The following UPP2 variants were observed in gnomAD, a reference collection of about 807,000 sequenced individuals.
UPP2 encodes the protein UPase 2.
In UPP2, 23 loss-of-function variants were observed where a neutral mutation model predicts 26.7. The ratio of observed to expected loss-of-function variants is 0.86; its 90% CI spans 0.62 to 1.22. The LOEUF is 1.22. Ranked by LOEUF, UPP2 falls within the 50% of genes most tolerant of loss-of-function variation. The pLI, the probability that UPP2 is intolerant of heterozygous loss-of-function variation, is 0.00. For synonymous variants in UPP2, 127 were observed against 141.3 expected, an observed-to-expected ratio of 0.90 and a Z score of 0.72; for missense variants, 387 against 396.7, an observed-to-expected ratio of 0.98 and a Z score of 0.21.
At chr2:158,095,233 A>G (rs1292176268) in intron 3 of UPP2, among the ~76,000 whole-genome samples, 2 of 152,200 alleles carry the variant, frequency 1.3e-5, no homozygotes, top group Admixed American at 1.3e-4. Context: ...AAATTTGGCA[A>G]TGAGATGACT....
At chr2:158,083,359 G>C (rs1044817549) in intron 3 of UPP2, among the ~76,000 whole-genome samples, 1 of 151,976 alleles carries the variant, frequency 6.6e-6, no homozygotes, top group Admixed American at 6.6e-5. Context: ...TATACACCAT[G>C]GAACACTATG....
At chr2:158,121,682 C>A in intron 5 of UPP2, 64 bp downstream of exon 5, 2 of 1,411,182 alleles carry the variant, frequency 1.4e-6, no homozygotes, top group South Asian at 1.2e-5. Flanking sequence ...GTTATTCAAA[C>A]CCATAATTTA....
At chr2:158,041,794 T>C (rs979036144) in intron 3 of UPP2, among the ~76,000 whole-genome samples, 5 of 152,234 alleles carry the variant, frequency 3.3e-5, no homozygotes, top group Middle Eastern at 3.2e-3. Context: ...ATAGATGTAG[T>C]TGATGAGTAA....
intron 3 of UPP2, among the ~76,000 whole-genome samples, chr2:158,051,617 C>A (rs1682160218): frequency 6.6e-6 from 1 of 152,048 alleles, no homozygotes; most frequent in Non-Finnish European, 1.5e-5. Context: ...CCCATCTCTA[C>A]TAAAAGTACA....
chr2:158,095,487 T>C (rs1558928804), intron 3 of UPP2, among the ~76,000 whole-genome samples: 3 of 152,146 alleles, frequency 2.0e-5, no homozygotes, highest in Admixed American at 6.5e-5. Context: ...TCCTTGGACT[T>C]TGTCTTCTTT....
Position 158,092,679 on chromosome 2 carries a change from T to A in UPP2, c.148-9361T>A, listed in dbSNP as rs10192905. ...AAATTATTATTAACTATCAACAAAGTGGTAACCATAAGACTAAAAGGGAGG... is the reference window on the plus strand; with the variant it reads ...AAATTATTATTAACTATCAACAAAGAGGTAACCATAAGACTAAAAGGGAGG... On this transcript the variant is annotated intron_variant, in intron 3 of 9. Coordinates refer to the UPP2 transcript ENST00000605860. Among the ~76,000 whole-genome samples, 5 of 152,104 alleles carry A rather than the reference T, an allele frequency of 3.3e-5. No homozygotes were observed. In the East Asian group the frequency reaches 9.6e-4, roughly 29 times the overall value.
chr2:158,095,579 A>G (rs564408143), intron 3 of UPP2, among the ~76,000 whole-genome samples: 22 of 152,292 alleles, frequency 1.4e-4, no homozygotes, highest in Non-Finnish European at 3.1e-4. Flanking sequence ...TCTGAACTCC[A>G]ATCTCCATTT....
At chr2:158,122,642 T>A (rs1683595242) in intron 5 of UPP2, among the ~76,000 whole-genome samples, 1 of 150,554 alleles carries the variant, frequency 6.6e-6, no homozygotes, top group Non-Finnish European at 1.5e-5. Context: ...TTGCCAACAT[T>A]TACAATATCT....
At chr2:157,997,893 T>C (rs1683346899) in intron 2 of UPP2, among the ~76,000 whole-genome samples, 1 of 152,226 alleles carries the variant, frequency 6.6e-6, no homozygotes, top group East Asian at 1.9e-4. Context: ...CAGTATGTTG[T>C]AGGTGGATAA....
chr2:158,028,019 C>T (rs1379154526), intron 3 of UPP2, among the ~76,000 whole-genome samples: 1 of 152,216 alleles, frequency 6.6e-6, no homozygotes, highest in Non-Finnish European at 1.5e-5. Flanking sequence ...TTCTCCTAGG[C>T]CTCTGGGCCT....
chr2:158,047,637 CTTCA>C (rs1333332068), intron 3 of UPP2, among the ~76,000 whole-genome samples: 1 of 152,176 alleles, frequency 6.6e-6, no homozygotes, highest in African/African-American at 2.4e-5. Context: ...AAAAAATGCA[CTTCA>C]TTATCAGTAT....
At chr2:158,083,148 C>G (rs1417164205) in intron 3 of UPP2, among the ~76,000 whole-genome samples, 2 of 152,066 alleles carry the variant, frequency 1.3e-5, no homozygotes, top group African/African-American at 2.4e-5. Flanking sequence ...GACAGTGTGG[C>G]GATTCCTCAA....
intron 6 of UPP2, 63 bp from the exon 7 acceptor site, chr2:158,134,685 C>A: frequency 2.0e-6 from 3 of 1,496,168 alleles, no homozygotes; most frequent in Non-Finnish European, 2.7e-6. Context: ...GTGTGTTTGG[C>A]TAATGCTTCT....
At chr2:158,068,771 T>TATATAC (rs1460554916) in intron 3 of UPP2, among the ~76,000 whole-genome samples, 3 of 5,138 alleles carry the variant, frequency 5.8e-4, no homozygotes, top group Non-Finnish European at 1.3e-3. Flanking sequence ...TTCAAATATA[T>TATATAC]ATATATATAT....
chr2:158,083,865 T>TATATATA (rs1553467788), intron 3 of UPP2, among the ~76,000 whole-genome samples: 17 of 118,752 alleles, frequency 1.4e-4, no homozygotes, highest in African/African-American at 5.1e-4. Context: ...TATATATGTT[T>TATATATA]TTTATATATA....
intron 3 of UPP2, among the ~76,000 whole-genome samples, chr2:158,044,872 A>G (rs945422655): frequency 2.6e-5 from 4 of 152,176 alleles, no homozygotes; most frequent in South Asian, 2.1e-4. Context: ...ACTCCGCTCC[A>G]TGTGTCTGAA....
rs144889531 is a variant in UPP2, at chr2:158,082,487, G to C, written c.148-19553G>C. Among the ~76,000 whole-genome samples, 712 of 152,166 alleles carry C rather than the reference G, an allele frequency of 4.7e-3. 6 individuals are homozygous for C. Among genetic ancestry groups the C allele is most frequent in the African/African-American group, 0.015 (621 of 41,494 alleles). ...TTCCATTCCTGAGTGCCTTCACTTA[G>C]AATAATGGTCTCCACCATATGCAGA... On this transcript the variant is annotated intron_variant, in intron 3 of 9. Coordinates refer to the UPP2 transcript ENST00000605860.
At chr2:158,001,957 C>CA (rs200818827) in intron 2 of UPP2, among the ~76,000 whole-genome samples, 2,547 of 65,024 alleles carry the variant, frequency 0.039, 124 homozygotes, top group East Asian at 0.13. Context: ...GAATGAGCAC[C>CA]AAAAAAAAAA....
Position 158,042,067 on chromosome 2 carries a change from A to G in UPP2, c.147+26181A>G, listed in dbSNP as rs1430113336. Reference sequence around the variant, plus strand: ...TTCTTCAGTGAATTAGGGGTCAAGTAATGCTGCCTCACTTCATTCTTTGCA... The same window carrying G: ...TTCTTCAGTGAATTAGGGGTCAAGTGATGCTGCCTCACTTCATTCTTTGCA... On this transcript the variant is annotated intron_variant, in intron 3 of 9. Coordinates refer to the UPP2 transcript ENST00000605860. Among the ~76,000 whole-genome samples the G allele has an allele frequency of 3.3e-5, 5 of 152,170 alleles. No homozygotes were observed. In the East Asian group the frequency reaches 9.6e-4, roughly 29 times the overall value.
Sources: allele counts gnomAD v4.1 joint callset (sites outside exome capture counted in the v4.1 genomes callset), GRCh38; gene constraint gnomAD v4.1.1; transcripts MANE v1.5; gene names NCBI Gene and HGNC (gene_info 2026-07-23, HGNC 2026-07-21).